The following ATG10 variants were observed in gnomAD, a reference collection of about 807,000 sequenced individuals.
ATG10 encodes the protein autophagy related 10, also known as ubiquitin-like-conjugating enzyme ATG10.
A neutral mutation model predicts 32.1 loss-of-function variants in ATG10; 30 were observed. The ratio of observed to expected loss-of-function variants is 0.94; its 90% CI spans 0.70 to 1.27. ATG10 has a LOEUF of 1.27. Ranked by LOEUF, ATG10 falls within the 50% of genes most tolerant of loss-of-function variation. The pLI, the probability that ATG10 is intolerant of heterozygous loss-of-function variation, is 0.00. For missense variants in ATG10, 233 were observed against 262.3 expected, an observed-to-expected ratio of 0.89 and a Z score of 0.77; for synonymous variants, 87 against 91.5, an observed-to-expected ratio of 0.95 and a Z score of 0.28.
chr5:82,165,409 T>C (rs1011963158), intron 4 of ATG10, among the ~76,000 whole-genome samples: 3 of 152,272 alleles, frequency 2.0e-5, no homozygotes, highest in Admixed American at 6.5e-5. Context: ...TAGCTTAAGC[T>C]GCTTGAATGT....
chr5:82,247,872 G>C (rs946305344), intron 5 of ATG10, among the ~76,000 whole-genome samples: 3 of 151,988 alleles, frequency 2.0e-5, no homozygotes, highest in African/African-American at 7.2e-5. Flanking sequence ...TGTAAGTGTG[G>C]CCACTGATGT....
intron 2 of ATG10, among the ~76,000 whole-genome samples, chr5:82,050,173 G>A (rs1219005911): frequency 6.6e-6 from 1 of 151,956 alleles, no homozygotes; most frequent in African/African-American, 2.4e-5. Flanking sequence ...AGCATATACA[G>A]AATTACCTTA....
intron 2 of ATG10, among the ~76,000 whole-genome samples, chr5:82,003,423 G>A (rs919395140): frequency 6.6e-6 from 1 of 152,212 alleles, no homozygotes; most frequent in Non-Finnish European, 1.5e-5. Context: ...GAGGGAAGAA[G>A]TGTACAAACT....
intron 3 of ATG10, among the ~76,000 whole-genome samples, chr5:82,059,598 AC>A (rs2149751938): frequency 6.6e-6 from 1 of 152,288 alleles, no homozygotes; most frequent in Non-Finnish European, 1.5e-5. Context: ...TTATTTCAGC[AC>A]AAAAGAAGAA....
chr5:81,993,314 T>C (rs10062500), intron 2 of ATG10, among the ~76,000 whole-genome samples: 4 of 116,074 alleles, frequency 3.4e-5, no homozygotes, highest in African/African-American at 1.4e-4. Flanking sequence ...TTCTTTCCTT[T>C]CTTTCTTTCT....
rs372782808 is a variant in ATG10, at chr5:82,164,521, T to G, written c.339T>G (p.Phe113Leu). 2 of 1,612,150 alleles carry G rather than the reference T, an allele frequency of 1.2e-6. No homozygotes were observed. Among genetic ancestry groups the G allele is most frequent in the Non-Finnish European group, 1.7e-6 (2 of 1,178,828 alleles). Residue 113 changes from phenylalanine (F) to leucine (L), a missense_variant, in exon 4 of 8, where the codon TTT becomes TTG. Transcript: ENST00000282185. ...SCSYQVPVLYFRASFLDGRPL... is the reference protein window; with the variant it reads ...SCSYQVPVLYLRASFLDGRPL... ...GCTACCAAGTGCCTGTACTTTACTT[T>G]AGGGCAAGCTTTTTAGGTAAGAACA...
chr5:82,075,734 G>A (rs959793611), intron 3 of ATG10, among the ~76,000 whole-genome samples: 1 of 152,066 alleles, frequency 6.6e-6, no homozygotes, highest in Admixed American at 6.6e-5. Flanking sequence ...TTAGGAATTC[G>A]AGGCCAGCCT....
At chr5:82,000,376 A>T (rs1302679341) in intron 2 of ATG10, among the ~76,000 whole-genome samples, 1 of 152,206 alleles carries the variant, frequency 6.6e-6, no homozygotes. Flanking sequence ...AAATAGGCAC[A>T]AGCTGAAAGC....
At chr5:81,989,430 A>G (rs540410953) in intron 2 of ATG10, among the ~76,000 whole-genome samples, 6 of 152,256 alleles carry the variant, frequency 3.9e-5, no homozygotes, top group Admixed American at 1.3e-4. Context: ...TGCATAGTTC[A>G]GAGGGAGGGT....
At position 82,033,461 on chromosome 5, in the gene ATG10, C is replaced by T. The variant is rs543720383; in HGVS notation, c.109-25034C>T. Among the ~76,000 whole-genome samples, 19 of 152,052 alleles carry T rather than the reference C, an allele frequency of 1.2e-4. No homozygotes were observed. In the East Asian group the frequency reaches 3.3e-3, roughly 26 times the overall value. ...CAAGTGATTCTCCTGCCTCAGCCTC[C>T]TGAGTAGCTGGGATTACAGGTGCAC... is the stretch of plus-strand genomic sequence containing the variant. On this transcript the variant is annotated intron_variant, in intron 2 of 7. Coordinates refer to ENST00000282185, the MANE Select transcript of ATG10 (RefSeq NM_031482.5).
At chr5:82,015,102 A>T (rs984420378) in intron 2 of ATG10, among the ~76,000 whole-genome samples, 1 of 152,038 alleles carries the variant, frequency 6.6e-6, no homozygotes, top group African/African-American at 2.4e-5. Context: ...GTTTGGCTGG[A>T]TATGTGATTC....
intron 3 of ATG10, among the ~76,000 whole-genome samples, chr5:82,135,506 A>G (rs1489464650): frequency 1.3e-5 from 2 of 152,152 alleles, no homozygotes; most frequent in African/African-American, 2.4e-5. Flanking sequence ...TTCAGGAACA[A>G]GTTTTTCATT....
chr5:82,141,638 G>T (rs1258349515), intron 3 of ATG10, among the ~76,000 whole-genome samples: 2 of 151,366 alleles, frequency 1.3e-5, no homozygotes, highest in Middle Eastern at 3.2e-3. Flanking sequence ...AACAAATATA[G>T]CTTACTTTAG....
At chr5:82,123,040 A>G (rs551176105) in intron 3 of ATG10, among the ~76,000 whole-genome samples, 130 of 152,372 alleles carry the variant, frequency 8.5e-4, no homozygotes, top group African/African-American at 3.0e-3. Context: ...TCATTCTACT[A>G]TAAAGAAACA....
At chr5:82,022,454 G>C (rs560629754) in intron 2 of ATG10, among the ~76,000 whole-genome samples, 1 of 149,324 alleles carries the variant, frequency 6.7e-6, no homozygotes, top group South Asian at 2.1e-4. Flanking sequence ...TCAGCCTCCC[G>C]AGTAGCTGGG....
intron 3 of ATG10, among the ~76,000 whole-genome samples, chr5:82,161,777 T>C (rs989758372): frequency 3.2e-4 from 47 of 148,586 alleles, no homozygotes; most frequent in Non-Finnish European, 7.4e-5. Context: ...AGATGAACTA[T>C]TGAAATCATC....
At chr5:82,193,347 C>A (rs1744729870) in intron 5 of ATG10, among the ~76,000 whole-genome samples, 1 of 152,166 alleles carries the variant, frequency 6.6e-6, no homozygotes, top group Non-Finnish European at 1.5e-5. Context: ...CATCAATAGG[C>A]TCATTTTCTG....
intron 3 of ATG10, among the ~76,000 whole-genome samples, chr5:82,086,062 G>A (rs1367710468): frequency 6.6e-6 from 1 of 151,970 alleles, no homozygotes; most frequent in East Asian, 1.9e-4. Context: ...ATTCTTAACT[G>A]GGTCAATGAT....
chr5:82,175,617 A>T (rs1743984670), intron 4 of ATG10, among the ~76,000 whole-genome samples: 1 of 152,194 alleles, frequency 6.6e-6, no homozygotes, highest in Non-Finnish European at 1.5e-5. Context: ...TTAAGTGACG[A>T]ATGTTAGTGA....
Sources: gnomAD v4.1 joint callset for allele counts (sites outside exome capture counted in the v4.1 genomes callset) on GRCh38, gnomAD v4.1.1 for gene constraint, MANE v1.5 for transcripts, NCBI Gene and HGNC (gene_info 2026-07-23, HGNC 2026-07-21) for gene names.